Variants in AP1S1 observed in about 807,000 individuals in gnomAD.
The protein encoded by AP1S1 is adaptor related protein complex 1 subunit sigma 1, also known as AP-1 complex subunit sigma-1A.
AP1S1 carries 13 observed loss-of-function variants against 23.9 expected under a neutral mutation model. The observed-to-expected ratio is 0.54, with a 90% CI of 0.35 to 0.86. The LOEUF is 0.86. Ranked by LOEUF, AP1S1 falls within the 40% of genes least tolerant of loss-of-function variation. AP1S1 has a pLI of 0.01. For missense variants in AP1S1, 119 were observed against 197.6 expected, an observed-to-expected ratio of 0.60 and a Z score of 2.38; for synonymous variants, 84 against 77.7, an observed-to-expected ratio of 1.08 and a Z score of -0.43.
At position 101,157,426 on chromosome 7, in the gene AP1S1, C is replaced by A; in HGVS notation, c.232C>A (p.Leu78Ile). 6.3e-7 allele frequency: 1 copy of A among 1,582,828 alleles called. No homozygotes were observed. Among genetic ancestry groups the A allele is most frequent in the Non-Finnish European group, 8.6e-7 (1 of 1,164,386 alleles). Reference protein sequence around the residue: ...CCAIEGQDNELITLELIHRYV... With the variant: ...CCAIEGQDNEIITLELIHRYV... ...CGCCATCGAGGGCCAAGACAATGAG[C>A]TCATCACACTGGAGCTGATCCACCG... Residue 78 changes from leucine (L) to isoleucine (I), a missense_variant, in exon 3 of 5, where the codon CTC (leucine) becomes ATC (isoleucine). Physicochemically the swap from Leu to Ile is conservative, Grantham distance 5. Coordinates refer to ENST00000337619, the MANE Select transcript of AP1S1 (RefSeq NM_001283.5).
chr7:101,156,782 C>A lies in AP1S1; in HGVS notation c.182+10C>A. ...AAGTTGTCTATAAGAGGTGACTCCC[C>A]ACCTACTTTCAGACCTGCCTAGATT... is the stretch of plus-strand genomic sequence containing the variant. On this transcript the variant is annotated intron_variant, in intron 2 of 4. Coordinates refer to ENST00000337619, the MANE Select transcript of AP1S1 (RefSeq NM_001283.5). 6.6e-7 allele frequency: 1 copy of A among 1,526,022 alleles called. No individual in the cohort carries two copies. 94.5% of individuals were successfully genotyped at this position (1,526,022 alleles called of 1,614,324 possible).
Position 101,160,668 on chromosome 7 carries a change from C to A in AP1S1, c.*102C>A, listed in dbSNP as rs1584207192. On this transcript the variant is annotated 3_prime_UTR_variant, in exon 5 of 5. Coordinates refer to ENST00000337619, the MANE Select transcript of AP1S1 (RefSeq NM_001283.5). The stretch of plus-strand genomic sequence containing the variant: ...CTGTTCTTGGTGGGACTCGGCTGCC[C>A]CTCCTCTGCTGCCTCACCTTTCGGA... 3.6e-6 allele frequency: 5 copies of A among 1,374,630 alleles called. No individual in the cohort carries two copies. In the East Asian group the frequency reaches 1.2e-4, roughly 32 times the overall value. The allele number at this position is 1,374,630 out of a possible 1,614,324, so 85.2% of individuals were successfully genotyped here.
chr7:101,160,563 A>G lies in AP1S1; in HGVS notation c.474A>G (p.Ala158=). ...PRSVLEEMGL[A] ...GTGTGCTGGAGGAGATGGGTTTGGC[A>G]TAGCCCCTGCTGGGCCGGGGTGTGG... Residue 158 remains alanine, a synonymous_variant, in exon 5 of 5, where the codon GCA becomes GCG. Coordinates refer to ENST00000337619, the MANE Select transcript of AP1S1 (RefSeq NM_001283.5). The G allele has an allele frequency of 1.2e-6, 2 of 1,611,592 alleles. No individual in the cohort carries two copies. The highest frequency in any genetic ancestry group is 2.2e-5 in the East Asian group (1 of 44,846).
chr7:101,159,128 G>C lies in AP1S1; in HGVS notation c.361G>C (p.Gly121Arg), dbSNP rs1797043193. ...CATCCTGGATGAGTTTTTGATGGGG[G>C]GGGATGTCCAGGACACCTCCAAGAA... ...YFILDEFLMG[G>R]DVQDTSKKSV... Residue 121 changes from glycine to arginine, a missense_variant, in exon 4 of 5, where the codon GGG becomes CGG. Coordinates refer to ENST00000337619, the MANE Select transcript of AP1S1 (RefSeq NM_001283.5). 1 of 1,613,668 alleles carries C rather than the reference G, an allele frequency of 6.2e-7. No individual in the cohort carries two copies. Among genetic ancestry groups the C allele is most frequent in the Non-Finnish European group, 8.5e-7 (1 of 1,179,822 alleles).
chr7:101,159,881 G>A (rs1273685410), intron 4 of AP1S1, among the ~76,000 whole-genome samples: 2 of 151,774 alleles, frequency 1.3e-5, no homozygotes, highest in Admixed American at 6.6e-5. Flanking sequence ...GATGGGGGGC[G>A]AGGGAGGGCT....
At position 101,159,235 on chromosome 7, in the gene AP1S1, C is replaced by T. The variant is rs537530496; in HGVS notation, c.429+39C>T. ...ACAGTGAGGAGGAGGAGGAAGCGCA[C>T]AGTGGCGGACAGGGTCCTCCCTCCC... On this transcript the variant is annotated intron_variant, in intron 4 of 4. Coordinates refer to ENST00000337619, the MANE Select transcript of AP1S1 (RefSeq NM_001283.5). 6 of 1,574,382 alleles carry T rather than the reference C, an allele frequency of 3.8e-6. No individual in the cohort carries two copies. The South Asian group carries it at 5.8e-5, about 15-fold the overall frequency.
rs569007747 is a variant in AP1S1, at chr7:101,157,835, G to A, written c.291+350G>A. ...ACCTGGAGGAATGCCGCCTATGGCT[G>A]GAGTGCAGTGGCACAATCGTAGCTC... On this transcript the variant is annotated intron_variant, in intron 3 of 4. Coordinates refer to ENST00000337619, the MANE Select transcript of AP1S1 (RefSeq NM_001283.5). 2.0e-5 allele frequency among the ~76,000 whole-genome samples: 3 copies of A among 152,328 alleles called. No individual in the cohort carries two copies. The East Asian group carries it at 5.8e-4, about 29-fold the overall frequency.
intron 4 of AP1S1, 44 bp downstream of exon 4, chr7:101,159,240 G>A (rs370865603): frequency 4.5e-6 from 7 of 1,571,896 alleles, no homozygotes; most frequent in Non-Finnish European, 6.0e-6. Context: ...GCGCACAGTG[G>A]CGGACAGGGT....
chr7:101,154,547 G>C (rs1214403152), intron 1 of AP1S1, 30 bp downstream of exon 1: 1 of 1,547,562 alleles, frequency 6.5e-7, no homozygotes, highest in Non-Finnish European at 8.8e-7. Context: ...AGGGGAGGGG[G>C]AAGCGAGGGG....
intron 3 of AP1S1, 44 bp from the exon 4 acceptor site, chr7:101,159,015 A>C (rs906686039): frequency 1.4e-5 from 22 of 1,604,610 alleles, no homozygotes; most frequent in Admixed American, 5.1e-5. Flanking sequence ...AAGTGGCTCC[A>C]GTTGCCCCTC....
At position 101,160,691 on chromosome 7, in the gene AP1S1, G is replaced by T; in HGVS notation, c.*125G>T. ...CCCCTCCTCTGCTGCCTCACCTTTC[G>T]GAGTGAGCTGTGGGCTCAGGCCCTT... On this transcript the variant is annotated 3_prime_UTR_variant, in exon 5 of 5. Coordinates refer to ENST00000337619, the MANE Select transcript of AP1S1 (RefSeq NM_001283.5). 2.6e-6 allele frequency: 3 copies of T among 1,153,204 alleles called. No homozygotes were observed. Among genetic ancestry groups the T allele is most frequent in the East Asian group, 2.4e-5 (1 of 41,560 alleles). 71.4% of individuals were successfully genotyped at this position (1,153,204 alleles called of 1,614,324 possible).
intron 1 of AP1S1, 122 bp downstream of exon 1, chr7:101,154,639 C>T: frequency 7.5e-7 from 1 of 1,336,814 alleles, no homozygotes; most frequent in South Asian, 1.5e-5. Flanking sequence ...CAGAGGCCTC[C>T]CTTGCCTCGG....
intron 1 of AP1S1, among the ~76,000 whole-genome samples, chr7:101,155,426 C>G (rs1255176524): frequency 6.6e-6 from 1 of 152,176 alleles, no homozygotes; most frequent in Non-Finnish European, 1.5e-5. Context: ...CCACTTGACC[C>G]AGCTTGCTGT....
chr7:101,159,314 G>C, intron 4 of AP1S1, 118 bp downstream of exon 4: 1 of 1,426,750 alleles, frequency 7.0e-7, no homozygotes, highest in Non-Finnish European at 9.4e-7. Context: ...CCCTCCCTGT[G>C]GTATCTGACC....
intron 2 of AP1S1, 141 bp downstream of exon 2, chr7:101,156,913 T>C: frequency 2.0e-5 from 3 of 148,404 alleles, no homozygotes; most frequent in South Asian, 1.5e-4. Context: ...TCAGCTTCCT[T>C]TTTTTTTTTT....
chr7:101,157,491 TCTC>T lies in AP1S1; in HGVS notation c.291+10_291+12del, dbSNP rs1797011123. 6.5e-7 allele frequency: 1 copy of T among 1,544,528 alleles called. No homozygotes were observed. The highest frequency in any genetic ancestry group is 2.0e-5 in the Admixed American group (1 of 51,234). On this transcript the variant is annotated splice_region_variant and intron_variant, in intron 3 of 4. Transcript: ENST00000337619. The stretch of plus-strand genomic sequence containing the variant: ...TAGACAAATACTTTGGCAGTGTAAG[TCTC>T]CTCTGCCCACCAGTTTCCATTCCCA...
chr7:101,158,913 T>C (rs1266253799), intron 3 of AP1S1, 146 bp from the exon 4 acceptor site: 1 of 1,101,392 alleles, frequency 9.1e-7, no homozygotes, highest in East Asian at 2.6e-5. Flanking sequence ...TCTAACAAAA[T>C]AACGAAACAA....
chr7:101,155,539 A>G (rs1421540674), intron 1 of AP1S1, among the ~76,000 whole-genome samples: 1 of 152,230 alleles, frequency 6.6e-6, no homozygotes. Flanking sequence ...GCTTAGCAGG[A>G]GGCACCCTAA....
intron 4 of AP1S1, 200 bp downstream of exon 4, chr7:101,159,396 G>A: frequency 1.5e-6 from 1 of 668,456 alleles, no homozygotes. Flanking sequence ...GTGGCAGATA[G>A]CCCACCTGTG....
Sources: allele counts gnomAD v4.1 joint callset (sites outside exome capture counted in the v4.1 genomes callset), GRCh38; gene constraint gnomAD v4.1.1; transcripts MANE v1.5; gene names NCBI Gene and HGNC (gene_info 2026-07-23, HGNC 2026-07-21).